ADAMTSL1: variants seen among roughly 807,000 people sequenced by gnomAD.
ADAMTSL1 encodes ADAMTS like 1, also known as ADAMTS-like protein 1.
In ADAMTSL1, 126 loss-of-function variants were observed where a neutral mutation model predicts 201.8. The observed-to-expected ratio is 0.62, with a 90% CI of 0.54 to 0.72. ADAMTSL1 has a LOEUF of 0.72. Among genes scored for constraint, ADAMTSL1 ranks in the 30% least tolerant of loss-of-function variants. ADAMTSL1 has a pLI of 0.00. For missense variants in ADAMTSL1, 2,679 were observed against 2,277.8 expected (o/e 1.18, Z -3.59); for synonymous variants, 1,121 against 903.4 (o/e 1.24, Z -4.32).
chr9:18,482,862 C>T (rs1333914407), intron 1 of ADAMTSL1, among the ~76,000 whole-genome samples: 3 of 152,110 alleles, frequency 2.0e-5, no homozygotes, highest in African/African-American at 4.8e-5. Flanking sequence ...CAGAACTAGC[C>T]GGTTCTTTTT....
At chr9:18,375,005 A>G (rs1242965081) in intron 2 of ADAMTSL1, among the ~76,000 whole-genome samples, 1 of 152,238 alleles carries the variant, frequency 6.6e-6, no homozygotes, top group Non-Finnish European at 1.5e-5. Flanking sequence ...TGTCACTGGC[A>G]TGGGTACCTT....
At chr9:18,425,798 A>G (rs538797060) in intron 2 of ADAMTSL1, among the ~76,000 whole-genome samples, 23 of 148,486 alleles carry the variant, frequency 1.5e-4, no homozygotes, top group African/African-American at 5.4e-4. Context: ...TGAGGCTGCA[A>G]TGAACCATGG....
At chr9:18,232,089 T>A (rs1378969809) in intron 2 of ADAMTSL1, among the ~76,000 whole-genome samples, 1 of 152,176 alleles carries the variant, frequency 6.6e-6, no homozygotes, top group Non-Finnish European at 1.5e-5. Context: ...AAAGCCAAAG[T>A]CAGAGCAGAG....
At chr9:18,908,081 A>G in intron 28 of ADAMTSL1, 1 of 278,838 alleles carries the variant, frequency 3.6e-6, no homozygotes, top group Non-Finnish European at 6.9e-6. Flanking sequence ...CCACGGGAAA[A>G]GGCAGGTTTG....
chr9:18,036,156 T>C (rs1821186403), intron 1 of ADAMTSL1, among the ~76,000 whole-genome samples: 2 of 152,134 alleles, frequency 1.3e-5, no homozygotes, highest in African/African-American at 4.8e-5. Flanking sequence ...AGAAGGAGGA[T>C]GCCTCTTCCA....
At chr9:17,969,885 A>G (rs1010333094) in intron 1 of ADAMTSL1, among the ~76,000 whole-genome samples, 12 of 152,230 alleles carry the variant, frequency 7.9e-5, no homozygotes, top group Admixed American at 2.6e-4. Context: ...AAGAGTTTAT[A>G]TTACATGCTA....
intron 2 of ADAMTSL1, among the ~76,000 whole-genome samples, chr9:18,512,295 T>C (rs1818083714): frequency 6.6e-6 from 1 of 152,144 alleles, no homozygotes; most frequent in Non-Finnish European, 1.5e-5. Flanking sequence ...GGCCAATGAC[T>C]GAATGTTTAG....
At chr9:18,904,112 G>A (rs1028658717) in intron 26 of ADAMTSL1, among the ~76,000 whole-genome samples, 1 of 152,070 alleles carries the variant, frequency 6.6e-6, no homozygotes, top group Non-Finnish European at 1.5e-5. Flanking sequence ...GGGAATACAG[G>A]CATCCACCAC....
intron 13 of ADAMTSL1, among the ~76,000 whole-genome samples, chr9:18,692,831 G>C (rs1428157199): frequency 6.6e-6 from 1 of 152,150 alleles, no homozygotes; most frequent in Non-Finnish European, 1.5e-5. Flanking sequence ...AAGCTGTGAT[G>C]GCATCTGAGT....
At chr9:18,665,885 A>G (rs747435860) in intron 9 of ADAMTSL1, among the ~76,000 whole-genome samples, 9 of 152,176 alleles carry the variant, frequency 5.9e-5, no homozygotes, top group Non-Finnish European at 1.2e-4. Context: ...AAGTTAAAAG[A>G]CTGTAATGAA....
intron 2 of ADAMTSL1, among the ~76,000 whole-genome samples, chr9:18,253,753 A>G (rs1831559141): frequency 6.6e-6 from 1 of 152,152 alleles, no homozygotes; most frequent in Non-Finnish European, 1.5e-5. Context: ...AAGAAATTCT[A>G]GCTAGTAGGA....
At chr9:18,711,994 C>A (rs1327700086) in intron 14 of ADAMTSL1, among the ~76,000 whole-genome samples, 1 of 152,192 alleles carries the variant, frequency 6.6e-6, no homozygotes, top group South Asian at 2.1e-4. Flanking sequence ...CAGACTGACA[C>A]CTCACACGGC....
chr9:18,026,055 A>G (rs558135692), intron 1 of ADAMTSL1, among the ~76,000 whole-genome samples: 1 of 151,386 alleles, frequency 6.6e-6, no homozygotes, highest in African/African-American at 2.4e-5. Flanking sequence ...CTTGAATGTC[A>G]CTGGTGTATC....
chr9:18,241,383 T>G (rs1831055052), intron 2 of ADAMTSL1, among the ~76,000 whole-genome samples: 1 of 152,170 alleles, frequency 6.6e-6, no homozygotes, highest in African/African-American at 2.4e-5. Context: ...CTACCTGTAT[T>G]CTTGATCACA....
At chr9:17,959,513 C>T (rs929019517) in intron 1 of ADAMTSL1, among the ~76,000 whole-genome samples, 1 of 152,070 alleles carries the variant, frequency 6.6e-6, no homozygotes, top group Non-Finnish European at 1.5e-5. Flanking sequence ...GGCTGGAGTG[C>T]AGCAGTGCAT....
chr9:18,071,074 C>T lies in ADAMTSL1; in HGVS notation c.88-92788C>T, dbSNP rs1019727507. 3.9e-5 allele frequency among the ~76,000 whole-genome samples: 6 copies of T among 152,024 alleles called. No individual in the cohort carries two copies. In the East Asian group the frequency reaches 1.2e-3, roughly 29 times the overall value. ...TAAGGATCTGGATGAGGTCAAAGATCAAGAATATATGGAGAAAGAAACAGA... is the reference window on the plus strand; with the variant it reads ...TAAGGATCTGGATGAGGTCAAAGATTAAGAATATATGGAGAAAGAAACAGA... On this transcript the variant is annotated intron_variant, in intron 1 of 29. Transcript: ENST00000680146.
chr9:17,930,184 G>C (rs117221513), intron 1 of ADAMTSL1, among the ~76,000 whole-genome samples: 2 of 152,102 alleles, frequency 1.3e-5, no homozygotes, highest in Non-Finnish European at 2.9e-5. Flanking sequence ...GGGCTGAAGT[G>C]GGGGTAGGTG....
chr9:18,721,658 C>T lies in ADAMTSL1; in HGVS notation c.1999C>T (p.Pro667Ser), dbSNP rs1396065495. The T allele has an allele frequency of 6.2e-7, 1 of 1,613,708 alleles. No homozygotes were observed. The highest frequency in any genetic ancestry group is 1.7e-5 in the Admixed American group (1 of 59,988). The part of the protein sequence containing the change: ...LLKSCNLDPC[P>S]ARWEIGKWSP... The stretch of plus-strand genomic sequence containing the variant: ...GAAGTCCTGCAATTTGGATCCCTGC[C>T]CAGCAAGGTAAGGGATGTGTGGCCT... Residue 667 changes from proline (P) to serine (S), a missense_variant, in exon 15 of 29, where the codon CCA (proline) becomes TCA (serine). By Grantham distance (74) the Pro-to-Ser change is moderately conservative. Transcript: ENST00000380548.
At chr9:17,994,387 C>G (rs1313729131) in intron 1 of ADAMTSL1, among the ~76,000 whole-genome samples, 1 of 151,992 alleles carries the variant, frequency 6.6e-6, no homozygotes, top group Non-Finnish European at 1.5e-5. Flanking sequence ...ACAAGAGAGA[C>G]CATAGCAATA....
Sources: gnomAD v4.1 joint callset for allele counts (sites outside exome capture counted in the v4.1 genomes callset) on GRCh38, gnomAD v4.1.1 for gene constraint, MANE v1.5 for transcripts, NCBI Gene and HGNC (gene_info 2026-07-23, HGNC 2026-07-21) for gene names.